APBB2: variants seen among roughly 807,000 people sequenced by gnomAD.
The protein encoded by APBB2 is Fe65-like 1.
A neutral mutation model predicts 82.5 loss-of-function variants in APBB2; 38 were observed. The observed-to-expected ratio is 0.46, with a 90% CI of 0.36 to 0.60. APBB2 has a LOEUF of 0.60. Among genes scored for constraint, APBB2 ranks in the 20% least tolerant of loss-of-function variants. The pLI, the probability that APBB2 is intolerant of heterozygous loss-of-function variation, is 0.00. For missense variants in APBB2, 772 were observed against 972.3 expected, an observed-to-expected ratio of 0.79 and a Z score of 2.74; for synonymous variants, 341 against 368.2, an observed-to-expected ratio of 0.93 and a Z score of 0.85.
chr4:40,833,177 C>G (rs1752655401), intron 12 of APBB2, among the ~76,000 whole-genome samples: 2 of 152,244 alleles, frequency 1.3e-5, no homozygotes, highest in Non-Finnish European at 2.9e-5. Context: ...GCACACAACT[C>G]CAATCCTTCC....
intron 6 of APBB2, among the ~76,000 whole-genome samples, chr4:41,004,784 C>T (rs1806222711): frequency 1.6e-5 from 2 of 122,952 alleles, no homozygotes; most frequent in South Asian, 5.9e-4. Context: ...TTGCAGTGAG[C>T]TGAGATCGTG....
intron 12 of APBB2, chr4:40,881,253 A>G: frequency 1.0e-6 from 1 of 985,026 alleles, no homozygotes; most frequent in Middle Eastern, 5.2e-4. Context: ...CTTCCTGAAG[A>G]CTTTTCTCCC....
In APBB2 at chr4:40,812,668, A is replaced by C. The variant is rs1744649214; in HGVS notation, c.*3424T>G. 1 of 152,244 alleles carries C rather than the reference A, an allele frequency of 6.6e-6. No homozygotes were observed. Among genetic ancestry groups the C allele is most frequent in the Non-Finnish European group, 1.5e-5 (1 of 68,054 alleles). The allele number at this position is 152,244 out of a possible 1,614,324, so 9.4% of individuals were successfully genotyped here. A position where few individuals can be genotyped will look rare whatever the true frequency, so the allele number is the denominator to read the frequency against. On this transcript the variant is annotated 3_prime_UTR_variant, in exon 18 of 18. Transcript: ENST00000508593. ...TGCCTGGGACATGAACGGGCCATAC[A>C]AACAGAGGAAAGCTCTGGGGCTTCC...
chr4:41,041,853 G>C (rs12501370), intron 4 of APBB2, among the ~76,000 whole-genome samples: 41,607 of 151,972 alleles, frequency 0.27, 6,701 homozygotes, highest in East Asian at 0.55. Context: ...CCAACAACTG[G>C]AAAAGAAATA....
intron 1 of APBB2, among the ~76,000 whole-genome samples, chr4:41,163,083 T>C (rs1765599867): frequency 6.6e-6 from 1 of 152,196 alleles, no homozygotes; most frequent in South Asian, 2.1e-4. Flanking sequence ...AGGTAAGACC[T>C]AGGCTAGACT....
At chr4:41,074,233 A>G (rs938485737) in intron 3 of APBB2, among the ~76,000 whole-genome samples, 1 of 152,156 alleles carries the variant, frequency 6.6e-6, no homozygotes, top group African/African-American at 2.4e-5. Context: ...CTTTCTTACC[A>G]GAGCTGTTCT....
At chr4:40,944,533 G>A (rs1361118998) in intron 7 of APBB2, among the ~76,000 whole-genome samples, 1 of 152,070 alleles carries the variant, frequency 6.6e-6, no homozygotes, top group Non-Finnish European at 1.5e-5. Flanking sequence ...ATTTTATGGA[G>A]CCAGCACCAT....
At chr4:41,027,395 ATATATATAT>A (rs1714838337) in intron 5 of APBB2, among the ~76,000 whole-genome samples, 2 of 133,780 alleles carry the variant, frequency 1.5e-5, no homozygotes, top group African/African-American at 6.6e-5. Context: ...ATATATATAT[ATATATATAT>A]AACATTTTCA....
intron 11 of APBB2, 110 bp from the exon 12 acceptor site, chr4:40,890,601 G>T: frequency 7.0e-7 from 1 of 1,435,292 alleles, no homozygotes; most frequent in Non-Finnish European, 9.4e-7. Flanking sequence ...AGCCACCCTG[G>T]GGTCTGTAAT....
At chr4:41,123,772 G>A (rs539215844) in intron 2 of APBB2, among the ~76,000 whole-genome samples, 250 of 152,026 alleles carry the variant, frequency 1.6e-3, no homozygotes, top group African/African-American at 5.7e-3. Flanking sequence ...GCAGTGAGCC[G>A]AGATGGCACC....
intron 12 of APBB2, among the ~76,000 whole-genome samples, chr4:40,865,228 T>C (rs1483172078): frequency 6.6e-6 from 1 of 152,138 alleles, no homozygotes; most frequent in African/African-American, 2.4e-5. Context: ...GAAAGCAGAA[T>C]TGCAAGGACA....
chr4:41,203,677 C>G (rs1777252935), intron 1 of APBB2, among the ~76,000 whole-genome samples: 1 of 152,112 alleles, frequency 6.6e-6, no homozygotes, highest in Non-Finnish European at 1.5e-5. Context: ...TTCCCAGAAA[C>G]AGTAGGAACC....
In APBB2 at chr4:40,977,867, C is replaced by T. The variant is rs984882745; in HGVS notation, c.836-32794G>A. Among the ~76,000 whole-genome samples the T allele has an allele frequency of 1.7e-4, 26 of 152,132 alleles. 1 individual carries two copies. Among genetic ancestry groups the T allele is most frequent in the African/African-American group, 5.8e-4 (24 of 41,426 alleles). ...TTCTAATGGAGATAAAACAAATGTG[C>T]ACAGGAGTTTCATATAAGATAGAAT... On this transcript the variant is annotated intron_variant, in intron 6 of 17. Coordinates refer to ENST00000508593, the MANE Select transcript of APBB2 (RefSeq NM_004307.2).
chr4:40,869,201 A>T (rs1764799283), intron 12 of APBB2, among the ~76,000 whole-genome samples: 1 of 152,202 alleles, frequency 6.6e-6, no homozygotes, highest in Non-Finnish European at 1.5e-5. Context: ...AGAATAAAGT[A>T]GAATGAATCA....
intron 13 of APBB2, among the ~76,000 whole-genome samples, chr4:40,828,037 C>T (rs1750552176): frequency 1.3e-5 from 2 of 152,140 alleles, no homozygotes; most frequent in Non-Finnish European, 2.9e-5. Flanking sequence ...TTGCCTGCTG[C>T]CATGTAAGAC....
chr4:41,160,285 G>A (rs76365003), intron 1 of APBB2, among the ~76,000 whole-genome samples: 7,673 of 152,208 alleles, frequency 0.05, 275 homozygotes, highest in Non-Finnish European at 0.072. Context: ...CTTATGAAGT[G>A]ATTAGTCAGA....
chr4:41,192,645 G>A (rs934950555), intron 1 of APBB2, among the ~76,000 whole-genome samples: 26 of 152,090 alleles, frequency 1.7e-4, no homozygotes, highest in African/African-American at 6.0e-4. Context: ...AATGGGGGAG[G>A]TGGGGAAATA....
At chr4:40,910,121 AT>A (rs34289899) in intron 10 of APBB2, among the ~76,000 whole-genome samples, 4,239 of 142,744 alleles carry the variant, frequency 0.03, 149 homozygotes, top group African/African-American at 0.089. Flanking sequence ...TGCCTGGCTA[AT>A]TTTTTTTTTT....
chr4:41,022,221 A>G (rs1452812000), intron 5 of APBB2, among the ~76,000 whole-genome samples: 1 of 152,142 alleles, frequency 6.6e-6, no homozygotes, highest in Non-Finnish European at 1.5e-5. Flanking sequence ...AACAGTATAG[A>G]TGCCTAGGCC....
Sources: allele counts gnomAD v4.1 joint callset (sites outside exome capture counted in the v4.1 genomes callset), GRCh38; gene constraint gnomAD v4.1.1; transcripts MANE v1.5; gene names NCBI Gene and HGNC (gene_info 2026-07-23, HGNC 2026-07-21).